The following RAB10 variants were observed in gnomAD, a reference collection of about 807,000 sequenced individuals.
RAB10 encodes RAB10, member RAS oncogene family.
A neutral mutation model predicts 25.7 loss-of-function variants in RAB10; 5 were observed. That is an observed-to-expected ratio of 0.19 (90% CI 0.10 to 0.41). The LOEUF is 0.41. Among genes scored for constraint, RAB10 ranks in the 10% least tolerant of loss-of-function variants. The probability of loss-of-function intolerance (pLI) is 1.00; values close to 1 mark genes in which losing one functional copy is unlikely to be tolerated. For synonymous variants in RAB10, 89 were observed against 86.4 expected (o/e 1.03, Z -0.16); for missense variants, 103 against 245.8 (o/e 0.42, Z 3.89).
intron 1 of RAB10, among the ~76,000 whole-genome samples, chr2:26,052,093 T>C (rs963973861): frequency 6.6e-6 from 1 of 150,942 alleles, no homozygotes; most frequent in African/African-American, 2.4e-5. Flanking sequence ...AAAAGATGTT[T>C]GCAGCAAGAC....
intron 1 of RAB10, among the ~76,000 whole-genome samples, chr2:26,040,188 G>A (rs1665854536): frequency 6.6e-6 from 1 of 152,132 alleles, no homozygotes; most frequent in South Asian, 2.1e-4. Context: ...ATCTCACTCT[G>A]TCACCCAACT....
chr2:26,047,347 AC>A (rs906358978), intron 1 of RAB10, among the ~76,000 whole-genome samples: 5 of 46,040 alleles, frequency 1.1e-4, no homozygotes, highest in African/African-American at 3.9e-4. Flanking sequence ...GCTCCCCCCC[AC>A]CCCCCAACTC....
chr2:26,080,719 T>C (rs1380519668), intron 1 of RAB10, among the ~76,000 whole-genome samples: 1 of 152,080 alleles, frequency 6.6e-6, no homozygotes, highest in African/African-American at 2.4e-5. Context: ...GATCTTGCTA[T>C]ATGTTGTTGC....
rs187473441 is a variant in RAB10 at position 26,109,730 on chromosome 2, C to G, written c.189-38C>G. The stretch of plus-strand genomic sequence containing the variant: ...TCCTTTATGTGAAATGTAGTAATAT[C>G]AAAATGCTTAATAGAAATTATTGGC... On this transcript the variant is annotated intron_variant, in intron 2 of 5. Transcript: ENST00000264710. The G allele has an allele frequency of 1.2e-4, 184 of 1,500,444 alleles. No individual in the cohort carries two copies. The African/African-American group carries it at 2.1e-3, about 17-fold the overall frequency. The allele number at this position is 1,500,444 out of a possible 1,614,324, so 92.9% of individuals were successfully genotyped here.
intron 1 of RAB10, among the ~76,000 whole-genome samples, chr2:26,077,365 G>C (rs1243796738): frequency 6.6e-6 from 1 of 152,150 alleles, no homozygotes; most frequent in Non-Finnish European, 1.5e-5. Context: ...TGCTTTTGTG[G>C]TGTTGCTTCT....
At chr2:26,038,580 T>G (rs1665815650) in intron 1 of RAB10, among the ~76,000 whole-genome samples, 1 of 152,106 alleles carries the variant, frequency 6.6e-6, no homozygotes, top group Non-Finnish European at 1.5e-5. Flanking sequence ...AATAAATGAT[T>G]CTGAGTACAG....
intron 1 of RAB10, among the ~76,000 whole-genome samples, chr2:26,047,991 C>T (rs1340048355): frequency 2.0e-5 from 3 of 151,484 alleles, no homozygotes; most frequent in African/African-American, 7.3e-5. Flanking sequence ...CTTGGCCTCC[C>T]AAAGTGTTGG....
rs149523915 is a variant in RAB10 at position 26,102,778 on chromosome 2, A to G, written c.188+4056A>G. On this transcript the variant is annotated intron_variant, in intron 2 of 5. Transcript: ENST00000264710. ...TAAGATTAAAAAGTCCAAGTCTTTC[A>G]CTTAGCTAAACACCATTTTATTTTA... 4.9e-3 allele frequency among the ~76,000 whole-genome samples: 749 copies of G among 152,166 alleles called. 9 individuals carry two copies. The highest frequency in any genetic ancestry group is 0.027 in the Middle Eastern group (8 of 294).
In RAB10 at chr2:26,094,406, C is replaced by A. The variant is rs776079103; in HGVS notation, c.128-4256C>A. On this transcript the variant is annotated intron_variant, in intron 1 of 5. Coordinates refer to ENST00000264710, the MANE Select transcript of RAB10 (RefSeq NM_016131.5). ...AGCTGGGATTACAGGCGCCCACCAC[C>A]ACACCCGGCTAATTTTTATATTTTT... Among the ~76,000 whole-genome samples, 178 of 151,576 alleles carry A rather than the reference C, an allele frequency of 1.2e-3. 1 individual carries two copies. The highest frequency in any genetic ancestry group is 3.3e-3 in the South Asian group (16 of 4,794).
At chr2:26,108,854 G>A (rs1002603692) in intron 2 of RAB10, among the ~76,000 whole-genome samples, 1 of 151,340 alleles carries the variant, frequency 6.6e-6, no homozygotes, top group African/African-American at 2.4e-5. Context: ...AGAGATACAG[G>A]GTTGAGATTG....
chr2:26,054,514 T>C (rs1486079794), intron 1 of RAB10, among the ~76,000 whole-genome samples: 1 of 152,160 alleles, frequency 6.6e-6, no homozygotes, highest in Admixed American at 6.5e-5. Flanking sequence ...TTCTAAAAAA[T>C]CTAGTAGTTT....
chr2:26,071,574 G>C (rs1171194513), intron 1 of RAB10, among the ~76,000 whole-genome samples: 1 of 152,072 alleles, frequency 6.6e-6, no homozygotes, highest in Non-Finnish European at 1.5e-5. Flanking sequence ...TGTAATCCCA[G>C]CTACTTGGGA....
chr2:26,104,737 ATT>A lies in RAB10; in HGVS notation c.189-5014_189-5013del, dbSNP rs35749938. On this transcript the variant is annotated intron_variant, in intron 2 of 5. Coordinates refer to ENST00000264710, the MANE Select transcript of RAB10 (RefSeq NM_016131.5). ...TTAGGTCTTGATCTGTTTTGAGGTA[ATT>A]TTTTTTTTTTTTTTTTGAGATGGAG... Among the ~76,000 whole-genome samples, 75 of 133,302 alleles carry A rather than the reference ATT, an allele frequency of 5.6e-4. 2 individuals are homozygous for A. In the South Asian group the frequency reaches 0.013, roughly 24 times the overall value. 87.5% of individuals were successfully genotyped at this position (133,302 alleles called of 152,430 possible).
At chr2:26,076,965 A>G (rs377214526) in intron 1 of RAB10, among the ~76,000 whole-genome samples, 1 of 151,994 alleles carries the variant, frequency 6.6e-6, no homozygotes, top group Non-Finnish European at 1.5e-5. Context: ...AAAAAACAGA[A>G]AAGTGTCAAA....
intron 2 of RAB10, chr2:26,101,401 T>C (rs917179916): frequency 6.6e-6 from 1 of 152,380 alleles, no homozygotes; most frequent in Non-Finnish European, 1.5e-5. Context: ...GAATTCCTGA[T>C]AGGGAGACTC....
chr2:26,072,128 A>G (rs1666639843), intron 1 of RAB10, among the ~76,000 whole-genome samples: 1 of 152,162 alleles, frequency 6.6e-6, no homozygotes, highest in South Asian at 2.1e-4. Context: ...TTTTAATATA[A>G]TAGAACATGG....
In RAB10 at chr2:26,098,700, A is replaced by G. The variant is rs1408599744; in HGVS notation, c.166A>G (p.Lys56Glu). 1 of 1,592,898 alleles carries G rather than the reference A, an allele frequency of 6.3e-7. No individual in the cohort carries two copies. The highest frequency in any genetic ancestry group is 8.6e-7 in the Non-Finnish European group (1 of 1,161,884). Residue 56 changes from lysine (K) to glutamate (E), a missense_variant, in exon 2 of 6, where the codon AAG becomes GAG. Transcript: ENST00000264710. ...GATCAAAACAGTTGAATTACAAGGA[A>G]AGAAGATCAAGCTACAGATATGGTA... is the stretch of plus-strand genomic sequence containing the variant. ...FKIKTVELQG[K>E]KIKLQIWDTA...
At chr2:26,130,510 T>C (rs529219561) in intron 5 of RAB10, among the ~76,000 whole-genome samples, 43 of 152,068 alleles carry the variant, frequency 2.8e-4, no homozygotes, top group Admixed American at 7.9e-4. Flanking sequence ...GGTCTGACTA[T>C]GTTGCCCAGG....
At chr2:26,067,335 T>C (rs1043000608) in intron 1 of RAB10, among the ~76,000 whole-genome samples, 2 of 152,218 alleles carry the variant, frequency 1.3e-5, no homozygotes, top group Admixed American at 6.5e-5. Context: ...GTTGTAGATA[T>C]ACACTGTGTA....
Sources: allele counts gnomAD v4.1 joint callset (sites outside exome capture counted in the v4.1 genomes callset), GRCh38; gene constraint gnomAD v4.1.1; transcripts MANE v1.5; gene names NCBI Gene and HGNC (gene_info 2026-07-23, HGNC 2026-07-21).